The following SCN9A variants were observed in gnomAD, a reference collection of about 807,000 sequenced individuals.
SCN9A encodes sodium channel protein type 9 subunit alpha.
A neutral mutation model predicts 187.0 loss-of-function variants in SCN9A; 131 were observed. The ratio of observed to expected loss-of-function variants is 0.70; its 90% CI spans 0.61 to 0.81. The LOEUF (loss-of-function observed/expected upper bound fraction) is 0.81. SCN9A is among the 30% of genes least tolerant of loss of function. SCN9A has a pLI of 0.00. For synonymous variants in SCN9A, 809 were observed against 808.6 expected (o/e 1.00, Z -0.01); for missense variants, 2,252 against 2,396.6 (o/e 0.94, Z 1.26).
chr2:166,312,608 G>A (rs1194449951), intron 1 of SCN9A, among the ~76,000 whole-genome samples: 2 of 151,950 alleles, frequency 1.3e-5, no homozygotes, highest in Non-Finnish European at 2.9e-5. Flanking sequence ...ACCCATCAGA[G>A]GAATCACTAT....
chr2:166,240,953 C>T (rs1187955538), intron 19 of SCN9A, among the ~76,000 whole-genome samples: 1 of 152,152 alleles, frequency 6.6e-6, no homozygotes, highest in Admixed American at 6.6e-5. Context: ...TGTACACACT[C>T]ATTCAGGCTC....
chr2:166,373,298 C>G (rs1187104898), intron 1 of SCN9A, among the ~76,000 whole-genome samples: 1 of 148,704 alleles, frequency 6.7e-6, no homozygotes, highest in Non-Finnish European at 1.5e-5. Context: ...TCTTCTTCTC[C>G]TCTTCTTCTT....
intron 1 of SCN9A, among the ~76,000 whole-genome samples, chr2:166,349,998 A>T (rs566723075): frequency 3.5e-5 from 3 of 86,404 alleles, no homozygotes; most frequent in South Asian, 3.3e-4. Flanking sequence ...AATAAAAAAT[A>T]AAAAATAAAA....
chr2:166,218,632 G>A (rs1694444434), intron 24 of SCN9A, among the ~76,000 whole-genome samples: 1 of 152,032 alleles, frequency 6.6e-6, no homozygotes, highest in Non-Finnish European at 1.5e-5. Flanking sequence ...GACAGCCTAG[G>A]CAATACCATT....
chr2:166,343,872 C>A (rs1263812423), intron 1 of SCN9A, among the ~76,000 whole-genome samples: 12 of 152,260 alleles, frequency 7.9e-5, no homozygotes, highest in Admixed American at 7.2e-4. Context: ...TTATTGTGTG[C>A]ATTACAATAG....
chr2:166,284,623 T>G lies in SCN9A; in HGVS notation c.1804A>C (p.Ile602Leu), dbSNP rs1697648880. Residue 602 changes from isoleucine (I) to leucine (L), a missense_variant, in exon 12 of 27, where the codon ATC becomes CTC. Around this residue, in one of 7 missense-constraint regions of SCN9A, gnomAD observed 1,013 missense variants for 997.4 expected, o/e 1.02. Transcript: ENST00000642356. ...HRPQERRSSN[I>L]SQASRSPPML... is the part of the protein sequence containing the mutation. ...GGTGGGGACCTACTGGCTTGGCTGA[T>G]GTTACTGCTGCGTCGCTCCTGGGGT... 6.2e-7 allele frequency: 1 copy of G among 1,613,898 alleles called. No homozygotes were observed. Among genetic ancestry groups the G allele is most frequent in the Admixed American group, 1.7e-5 (1 of 59,996 alleles).
intron 1 of SCN9A, among the ~76,000 whole-genome samples, chr2:166,350,078 T>C (rs1699999838): frequency 6.6e-6 from 1 of 152,220 alleles, no homozygotes; most frequent in African/African-American, 2.4e-5. Context: ...CGTGGACTTG[T>C]CTATAACTTC....
chr2:166,201,065 T>G (rs909704508), intron 26 of SCN9A, among the ~76,000 whole-genome samples: 4 of 152,014 alleles, frequency 2.6e-5, no homozygotes, highest in Non-Finnish European at 5.9e-5. Flanking sequence ...TTATACTGTT[T>G]CCATTTTTGT....
chr2:166,351,021 CTA>C (rs1263286123), intron 1 of SCN9A, among the ~76,000 whole-genome samples: 1 of 152,130 alleles, frequency 6.6e-6, no homozygotes, highest in Non-Finnish European at 1.5e-5. Flanking sequence ...TGCCTGCTCT[CTA>C]TATATAAGCA....
intron 1 of SCN9A, among the ~76,000 whole-genome samples, chr2:166,326,454 GCTGTCAGGGTTACA>G (rs1285119294): frequency 6.6e-6 from 1 of 152,122 alleles, no homozygotes; most frequent in East Asian, 1.9e-4. Flanking sequence ...CTCTACCCTA[GCTGTCAGGGTTACA>G]CTTATAAATT....
chr2:166,327,570 G>T (rs1375334723), intron 1 of SCN9A, among the ~76,000 whole-genome samples: 1 of 152,092 alleles, frequency 6.6e-6, no homozygotes, highest in African/African-American at 2.4e-5. Context: ...TTTCAATGAT[G>T]ACCATATTAT....
chr2:166,314,926 C>T (rs1321230365), intron 1 of SCN9A, among the ~76,000 whole-genome samples: 3 of 152,142 alleles, frequency 2.0e-5, no homozygotes, highest in Admixed American at 6.5e-5. Context: ...ATACTAAAAA[C>T]CACTGAGTGA....
At chr2:166,289,677 G>A (rs1239614795) in intron 9 of SCN9A, among the ~76,000 whole-genome samples, 1 of 152,060 alleles carries the variant, frequency 6.6e-6, no homozygotes, top group Non-Finnish European at 1.5e-5. Flanking sequence ...AGAATGATAT[G>A]TAATCTTTTG....
intron 5 of SCN9A, among the ~76,000 whole-genome samples, 156 bp downstream of exon 5, chr2:166,305,636 C>T (rs1698729135): frequency 6.6e-6 from 1 of 151,974 alleles, no homozygotes; most frequent in Non-Finnish European, 1.5e-5. Context: ...TTAGTATTTG[C>T]CTATCAATGA....
intron 1 of SCN9A, among the ~76,000 whole-genome samples, chr2:166,333,250 TAATCTTA>T (rs1699550145): frequency 6.6e-6 from 1 of 152,132 alleles, no homozygotes; most frequent in African/African-American, 2.4e-5. Context: ...AGAACAGTCT[TAATCTTA>T]AAATTTACTA....
chr2:166,228,828 A>C lies in SCN9A; in HGVS notation c.4069T>G (p.Ser1357Ala). 6.2e-7 allele frequency: 1 copy of C among 1,613,950 alleles called. No homozygotes were observed. The highest frequency in any genetic ancestry group is 8.5e-7 in the Non-Finnish European group (1 of 1,179,862). ...FYECINTTDG[S>A]RFPASQVPNR... The stretch of plus-strand genomic sequence containing the variant: ...GGAACTTGACTTGCAGGAAACCGTG[A>C]CCCATCTGTGGTGTTAATACACTCA... The change falls in exon 22 of 27, where the codon TCA (serine) becomes GCA (alanine). Residue 1357 changes from serine to alanine, a missense_variant. By Grantham distance (99) the Ser-to-Ala change is moderately conservative. Coordinates refer to ENST00000642356, the MANE Select transcript of SCN9A (RefSeq NM_001365536.1).
intron 6 of SCN9A, chr2:166,303,977 A>G: frequency 6.6e-7 from 1 of 1,515,872 alleles, no homozygotes; most frequent in Non-Finnish European, 9.1e-7. Context: ...GGTTTTTTTT[A>G]TGTCTTTCTT....
At chr2:166,367,964 T>C (rs1203878444) in intron 1 of SCN9A, among the ~76,000 whole-genome samples, 3 of 152,244 alleles carry the variant, frequency 2.0e-5, no homozygotes, top group African/African-American at 7.2e-5. Flanking sequence ...TGATTGCAAA[T>C]GTAATTTTAT....
At chr2:166,232,727 C>CTG in intron 21 of SCN9A, among the ~76,000 whole-genome samples, 1 of 81,504 alleles carries the variant, frequency 1.2e-5, no homozygotes, top group Admixed American at 1.5e-4. Context: ...CACTGAAATA[C>CTG]TGTGTGTGTA....
Sources: allele counts gnomAD v4.1 joint callset (sites outside exome capture counted in the v4.1 genomes callset), GRCh38; gene constraint gnomAD v4.1.1; regional missense constraint gnomAD v4.1.1; transcripts MANE v1.5; gene names NCBI Gene and HGNC (gene_info 2026-07-23, HGNC 2026-07-21).